Variants in PRKCB observed in about 807,000 individuals in gnomAD.
PRKCB encodes the protein protein kinase C beta, also known as protein kinase C beta type.
A neutral mutation model predicts 81.5 loss-of-function variants in PRKCB; 13 were observed. That is an observed-to-expected ratio of 0.16 (90% CI 0.10 to 0.25). PRKCB has a LOEUF of 0.25. Ranked by LOEUF, PRKCB falls within the 10% of genes least tolerant of loss-of-function variation. The probability of loss-of-function intolerance (pLI) is 1.00; values close to 1 mark genes in which losing one functional copy is unlikely to be tolerated. For missense variants in PRKCB, 509 were observed against 875.7 expected, an observed-to-expected ratio of 0.58 and a Z score of 5.29; for synonymous variants, 335 against 321.4, an observed-to-expected ratio of 1.04 and a Z score of -0.45.
chr16:23,951,454 T>C (rs1265947196), intron 2 of PRKCB, among the ~76,000 whole-genome samples: 1 of 152,188 alleles, frequency 6.6e-6, no homozygotes, highest in Non-Finnish European at 1.5e-5. Flanking sequence ...AGACAGGGTC[T>C]TCCTCTGTCA....
At chr16:24,023,613 C>T (rs1466584776) in intron 3 of PRKCB, among the ~76,000 whole-genome samples, 1 of 152,118 alleles carries the variant, frequency 6.6e-6, no homozygotes, top group Non-Finnish European at 1.5e-5. Context: ...CGTGATCCGC[C>T]AGCCTCGGCC....
intron 3 of PRKCB, among the ~76,000 whole-genome samples, chr16:24,022,899 T>C (rs975751069): frequency 3.9e-5 from 6 of 152,212 alleles, no homozygotes; most frequent in African/African-American, 1.2e-4. Context: ...ACAGGCTTGA[T>C]ATAGCTTCTG....
intron 9 of PRKCB, among the ~76,000 whole-genome samples, chr16:24,132,858 G>T (rs2141936781): frequency 6.7e-6 from 1 of 148,688 alleles, no homozygotes; most frequent in Admixed American, 6.9e-5. Context: ...ATAGCTCACT[G>T]CAGCCACGAA....
In PRKCB at chr16:24,123,903, C is replaced by T. The variant is rs1316340963; in HGVS notation, c.987C>T (p.Asp329=). The T allele has an allele frequency of 6.2e-7, 1 of 1,614,150 alleles. No homozygotes were observed. The highest frequency in any genetic ancestry group is 2.2e-5 in the East Asian group (1 of 44,874). ...EKTTNTVSKF[D]NNGNRDRMKL... ...CGACCAACACTGTCTCCAAATTTGACAACAATGGCAACAGAGACCGGATGA... is the reference window on the plus strand; with the variant it reads ...CGACCAACACTGTCTCCAAATTTGATAACAATGGCAACAGAGACCGGATGA... Residue 329 remains aspartate, a synonymous_variant, in exon 9 of 17, where the codon GAC becomes GAT. Coordinates refer to ENST00000643927, the MANE Select transcript of PRKCB (RefSeq NM_002738.7).
intron 2 of PRKCB, among the ~76,000 whole-genome samples, chr16:23,867,872 C>T (rs1356091259): frequency 1.3e-5 from 2 of 152,172 alleles, no homozygotes; most frequent in Non-Finnish European, 2.9e-5. Context: ...AACACTTCTG[C>T]TTGGTCCCTC....
chr16:24,017,833 G>C (rs1048509324), intron 3 of PRKCB, among the ~76,000 whole-genome samples: 2 of 151,136 alleles, frequency 1.3e-5, no homozygotes, highest in Non-Finnish European at 2.9e-5. Context: ...GGCCTCAAGT[G>C]ATCCTCCCAC....
chr16:23,991,420 G>A (rs1964884415), intron 3 of PRKCB, among the ~76,000 whole-genome samples: 1 of 152,264 alleles, frequency 6.6e-6, no homozygotes, highest in Admixed American at 6.5e-5. Flanking sequence ...AGCAAAATAG[G>A]CAGGGGAGTT....
chr16:24,119,524 A>T (rs891461196), intron 8 of PRKCB, among the ~76,000 whole-genome samples: 14 of 152,130 alleles, frequency 9.2e-5, no homozygotes, highest in African/African-American at 3.4e-4. Context: ...CACAGTCTGG[A>T]GAATGGAGAC....
At chr16:24,088,869 G>A (rs1438752942) in intron 5 of PRKCB, among the ~76,000 whole-genome samples, 2 of 152,156 alleles carry the variant, frequency 1.3e-5, no homozygotes, top group African/African-American at 4.8e-5. Flanking sequence ...GACTACCCTT[G>A]TGGTGTCAGT....
intron 7 of PRKCB, among the ~76,000 whole-genome samples, chr16:24,111,812 T>C (rs2141917740): frequency 6.6e-6 from 1 of 152,190 alleles, no homozygotes; most frequent in South Asian, 2.1e-4. Context: ...ATAATAATAA[T>C]GACATTAGTC....
intron 8 of PRKCB, among the ~76,000 whole-genome samples, chr16:24,121,656 C>T (rs886602435): frequency 6.6e-6 from 1 of 152,208 alleles, no homozygotes; most frequent in Non-Finnish European, 1.5e-5. Context: ...TTACAGGCAT[C>T]AGCCACCACA....
chr16:24,051,782 T>G (rs573246424), intron 5 of PRKCB, among the ~76,000 whole-genome samples: 1 of 152,014 alleles, frequency 6.6e-6, no homozygotes, highest in African/African-American at 2.4e-5. Context: ...CTCAGGAGAC[T>G]GAGGAAGGAG....
At chr16:23,879,826 T>C (rs1963078031) in intron 2 of PRKCB, among the ~76,000 whole-genome samples, 1 of 152,148 alleles carries the variant, frequency 6.6e-6, no homozygotes. Context: ...GACAGCAGCA[T>C]AGTAGTTCAG....
intron 7 of PRKCB, among the ~76,000 whole-genome samples, chr16:24,107,690 A>G (rs1010863153): frequency 3.9e-5 from 6 of 152,226 alleles, no homozygotes; most frequent in African/African-American, 1.4e-4. Flanking sequence ...CACCGTGAAC[A>G]CACGCTGTGG....
rs1261563276 is a variant in PRKCB, at chr16:24,042,690, CT to C, written c.529+7155del. On this transcript the variant is annotated intron_variant, in intron 5 of 16. Transcript: ENST00000643927. ...AATTCAAAATTTACTTGTAGGGTTT[CT>C]TTTTTTTTTTTAACTTTTGAGGTGA... Among the ~76,000 whole-genome samples the C allele has an allele frequency of 7.9e-3, 1,097 of 139,514 alleles. 6 individuals are homozygous for C. The highest frequency in any genetic ancestry group is 0.011 in the Middle Eastern group (3 of 262). The allele number at this position is 139,514 out of a possible 152,430, so 91.5% of individuals were successfully genotyped here. A position where few individuals can be genotyped will look rare whatever the true frequency, so the allele number is the denominator to read the frequency against.
intron 2 of PRKCB, among the ~76,000 whole-genome samples, chr16:23,859,545 AG>A (rs766707469): frequency 6.6e-6 from 1 of 151,976 alleles, no homozygotes; most frequent in African/African-American, 2.4e-5. Flanking sequence ...AATGGTGGAG[AG>A]GGGGGAGAAA....
At chr16:24,212,461 C>CTTTTTTTTTTTTTTTTTTTTTTTTTTT (rs975667798) in intron 16 of PRKCB, among the ~76,000 whole-genome samples, 1 of 78,042 alleles carries the variant, frequency 1.3e-5, no homozygotes, top group Admixed American at 1.4e-4. Context: ...CTTTTTTTTC[C>CTTTTTTTTTTTTTTTTTTTTTTTTTTT]TTTTTTTTTT....
chr16:24,168,861 C>G (rs886662724), intron 10 of PRKCB, among the ~76,000 whole-genome samples: 1 of 151,528 alleles, frequency 6.6e-6, no homozygotes, highest in African/African-American at 2.4e-5. Context: ...TGCCTGACCT[C>G]TTTTTTCTAT....
chr16:24,175,971 CAAAAAAA>C (rs34578906), intron 12 of PRKCB, among the ~76,000 whole-genome samples: 1 of 49,852 alleles, frequency 2.0e-5, no homozygotes, highest in Non-Finnish European at 4.0e-5. Context: ...GACCCTGTCT[CAAAAAAA>C]AAAAAAAAAA....
Sources: allele counts gnomAD v4.1 joint callset (sites outside exome capture counted in the v4.1 genomes callset), GRCh38; gene constraint gnomAD v4.1.1; transcripts MANE v1.5; gene names NCBI Gene and HGNC (gene_info 2026-07-23, HGNC 2026-07-21).